RNGTT: variants seen among roughly 807,000 people sequenced by gnomAD.
The protein encoded by RNGTT is RNA guanylyltransferase and 5'-phosphatase.
A neutral mutation model predicts 79.3 loss-of-function variants in RNGTT; 33 were observed. That is an observed-to-expected ratio of 0.42 (90% CI 0.32 to 0.56). RNGTT has a LOEUF of 0.56. RNGTT is among the 20% of genes least tolerant of loss of function. RNGTT has a pLI of 0.17. For missense variants in RNGTT, 497 were observed against 739.1 expected (o/e 0.67, Z 3.80); for synonymous variants, 222 against 235.9 (o/e 0.94, Z 0.54).
rs571077630 is a variant in RNGTT at position 88,876,742 on chromosome 6, C to T, written c.896+13753G>A. Among the ~76,000 whole-genome samples, 5 of 152,252 alleles carry T rather than the reference C, an allele frequency of 3.3e-5. No homozygotes were observed. The South Asian group carries it at 8.3e-4, about 25-fold the overall frequency. On this transcript the variant is annotated intron_variant, in intron 8 of 15. Coordinates refer to ENST00000369485, the MANE Select transcript of RNGTT (RefSeq NM_003800.5). ...GGGAAAAAATGTTTGAAAATATTAA[C>T]GAAAAATTCATTTGTTTTAATCTTT...
At chr6:88,854,814 T>C (rs1294426456) in intron 8 of RNGTT, among the ~76,000 whole-genome samples, 3 of 152,126 alleles carry the variant, frequency 2.0e-5, no homozygotes, top group African/African-American at 7.2e-5. Flanking sequence ...CATCAGCAAA[T>C]CAAGAATGGA....
chr6:88,895,453 G>C (rs930877481), intron 6 of RNGTT, among the ~76,000 whole-genome samples: 1 of 152,078 alleles, frequency 6.6e-6, no homozygotes. Flanking sequence ...TAAAGAAGGT[G>C]TCTTAGGAAT....
At chr6:88,736,621 C>A (rs1777295074) in intron 13 of RNGTT, among the ~76,000 whole-genome samples, 1 of 152,120 alleles carries the variant, frequency 6.6e-6, no homozygotes, top group Non-Finnish European at 1.5e-5. Flanking sequence ...CAAAAAAGAA[C>A]CAGAACTTAA....
chr6:88,795,744 C>A (rs1403232224), intron 12 of RNGTT, among the ~76,000 whole-genome samples: 5 of 151,964 alleles, frequency 3.3e-5, no homozygotes, highest in Non-Finnish European at 7.4e-5. Context: ...AAATAAACAA[C>A]TCAAAGCACA....
At chr6:88,708,724 GC>G (rs987472607) in intron 13 of RNGTT, among the ~76,000 whole-genome samples, 10 of 152,098 alleles carry the variant, frequency 6.6e-5, no homozygotes, top group African/African-American at 2.4e-4. Context: ...ACTTTTTTCT[GC>G]CTTCTAAAAA....
chr6:88,867,797 G>T (rs1782222710), intron 8 of RNGTT, among the ~76,000 whole-genome samples: 1 of 152,082 alleles, frequency 6.6e-6, no homozygotes, highest in Non-Finnish European at 1.5e-5. Context: ...ATTCACTATT[G>T]GCTAGACTCA....
At chr6:88,933,921 G>T (rs1300162795) in intron 2 of RNGTT, among the ~76,000 whole-genome samples, 2 of 152,132 alleles carry the variant, frequency 1.3e-5, no homozygotes, top group African/African-American at 4.8e-5. Context: ...TTTCCATACT[G>T]TTTTCCATGG....
At chr6:88,800,928 A>G (rs1441799353) in intron 12 of RNGTT, among the ~76,000 whole-genome samples, 1 of 152,196 alleles carries the variant, frequency 6.6e-6, no homozygotes, top group East Asian at 1.9e-4. Context: ...GCTGCTAAAC[A>G]TCCTACCATG....
intron 1 of RNGTT, among the ~76,000 whole-genome samples, chr6:88,945,862 C>A (rs2127960538): frequency 6.6e-6 from 1 of 152,270 alleles, no homozygotes; most frequent in East Asian, 1.9e-4. Context: ...CCTTTCATAG[C>A]AACTTTAGAA....
intron 12 of RNGTT, among the ~76,000 whole-genome samples, chr6:88,785,473 C>T (rs765421721): frequency 1.3e-4 from 19 of 151,774 alleles, no homozygotes; most frequent in Non-Finnish European, 2.4e-4. Flanking sequence ...TTTTGCTGTG[C>T]TCTAAAAGAT....
intron 12 of RNGTT, among the ~76,000 whole-genome samples, chr6:88,798,688 A>G (rs1406344691): frequency 1.3e-5 from 2 of 152,250 alleles, no homozygotes; most frequent in East Asian, 3.8e-4. Flanking sequence ...CTTAGTAGAT[A>G]CCGAAGAGGC....
intron 1 of RNGTT, among the ~76,000 whole-genome samples, chr6:88,957,173 A>T (rs913565693): frequency 6.6e-6 from 1 of 152,252 alleles, no homozygotes; most frequent in African/African-American, 2.4e-5. Context: ...AACCTTCAGC[A>T]AAACTGGCAC....
intron 4 of RNGTT, among the ~76,000 whole-genome samples, chr6:88,919,243 A>C (rs1582130168): frequency 6.6e-6 from 1 of 152,234 alleles, no homozygotes; most frequent in Non-Finnish European, 1.5e-5. Context: ...TCTAGTGGTA[A>C]GTAAGCCACA....
rs1412763779 is a variant in RNGTT, at chr6:88,686,096, T to C, written c.1440-7677A>G. ...AATTTATAATAAGATTCCTGGATAC[T>C]AGATCAATTAGAGAAAAATAGCAGT... On this transcript the variant is annotated intron_variant, in intron 13 of 15. Transcript: ENST00000369485. Among the ~76,000 whole-genome samples, 3 of 150,164 alleles carry C rather than the reference T, an allele frequency of 2.0e-5. No individual in the cohort carries two copies. The Admixed American group carries it at 2.0e-4, about 10-fold the overall frequency.
Position 88,929,165 on chromosome 6 carries a change from C to A in RNGTT, c.277G>T (p.Gly93Ter). ...GIKYIKLQCK[G>*]HGECPTTENT... ...AAAGAATCTTAATATATAACTTACC[C>A]TTTACACTGAAGTTTTATATATTTG... Residue 93 changes from glycine to a stop codon, truncating the protein, a stop_gained and splice_region_variant, in exon 3 of 16, where the codon GGA (glycine) becomes TGA (stop). Coordinates refer to ENST00000369485, the MANE Select transcript of RNGTT (RefSeq NM_003800.5). LOFTEE classifies it high-confidence loss of function. 1 of 1,584,684 alleles carries A rather than the reference C, an allele frequency of 6.3e-7. No homozygotes were observed. The highest frequency in any genetic ancestry group is 8.6e-7 in the Non-Finnish European group (1 of 1,156,794).
chr6:88,800,021 C>G (rs558226620), intron 12 of RNGTT, among the ~76,000 whole-genome samples: 13 of 152,136 alleles, frequency 8.5e-5, no homozygotes, highest in Non-Finnish European at 1.6e-4. Flanking sequence ...TGTCCTCCTC[C>G]CTCTCCTCCT....
At chr6:88,729,083 T>G (rs1256558019) in intron 13 of RNGTT, among the ~76,000 whole-genome samples, 1 of 152,178 alleles carries the variant, frequency 6.6e-6, no homozygotes, top group Non-Finnish European at 1.5e-5. Flanking sequence ...CTCTCTGCTA[T>G]ATGTCAAAGT....
chr6:88,630,459 C>T (rs929602892), intron 14 of RNGTT, among the ~76,000 whole-genome samples: 2 of 152,224 alleles, frequency 1.3e-5, no homozygotes, highest in Admixed American at 6.5e-5. Flanking sequence ...GCTTCCTCCA[C>T]TCTGGTGTAA....
chr6:88,763,402 G>A (rs948169069), intron 13 of RNGTT, among the ~76,000 whole-genome samples: 2 of 152,162 alleles, frequency 1.3e-5, no homozygotes, highest in Non-Finnish European at 2.9e-5. Flanking sequence ...ATACTTGAGA[G>A]TGGAATTGCT....
Sources: gnomAD v4.1 joint callset for allele counts (sites outside exome capture counted in the v4.1 genomes callset) on GRCh38, gnomAD v4.1.1 for gene constraint, MANE v1.5 for transcripts, NCBI Gene and HGNC (gene_info 2026-07-23, HGNC 2026-07-21) for gene names.